Variants in A1CF observed in about 807,000 individuals in gnomAD.
A1CF encodes APOBEC1 complementation factor, also known as APOBEC-1 stimulating protein.
In A1CF, 48 loss-of-function variants were observed where a neutral mutation model predicts 68.9. The ratio of observed to expected loss-of-function variants is 0.70; its 90% CI spans 0.55 to 0.89. A1CF has a LOEUF of 0.89. Among genes scored for constraint, A1CF ranks in the 40% least tolerant of loss-of-function variants. The probability of loss-of-function intolerance (pLI) is 0.00; values close to 1 mark genes in which losing one functional copy is unlikely to be tolerated. For missense variants in A1CF, 653 were observed against 718.9 expected (o/e 0.91, Z 1.05); for synonymous variants, 272 against 260.4 (o/e 1.04, Z -0.43).
At chr10:50,828,515 T>C in intron 6 of A1CF, 1 of 362,620 alleles carries the variant, frequency 2.8e-6, no homozygotes, top group Non-Finnish European at 5.0e-6. Context: ...AACTATCGAT[T>C]ATAAAGGGAA....
rs554968522 is a variant in A1CF, at chr10:50,828,595, C to T, written c.605-300G>A. On this transcript the variant is annotated intron_variant, in intron 6 of 12. Coordinates refer to ENST00000373997, the MANE Select transcript of A1CF (RefSeq NM_014576.4). ...CACATTTGGCTCTTAGAACAACACT[C>T]ATTGGGTGAAGGTAGTCACTTAAGG... 2.0e-4 allele frequency: 48 copies of T among 235,176 alleles called. 1 individual carries two copies. The highest frequency in any genetic ancestry group is 3.3e-4 in the Non-Finnish European group (40 of 121,230). 14.6% of individuals were successfully genotyped at this position (235,176 alleles called of 1,614,324 possible).
At chr10:50,862,787 T>C (rs1218191563) in intron 2 of A1CF, 1 of 152,252 alleles carries the variant, frequency 6.6e-6, no homozygotes, top group African/African-American at 2.4e-5. Flanking sequence ...AATTGTCTTT[T>C]CGTGAGGATA....
intron 5 of A1CF, among the ~76,000 whole-genome samples, chr10:50,836,652 T>G (rs1839509586): frequency 2.0e-5 from 3 of 150,740 alleles, no homozygotes; most frequent in Non-Finnish European, 4.4e-5. Flanking sequence ...AACTCGTCAT[T>G]TGCATTAGGT....
At chr10:50,822,412 A>G (rs1029761147) in intron 7 of A1CF, among the ~76,000 whole-genome samples, 1 of 152,174 alleles carries the variant, frequency 6.6e-6, no homozygotes, top group Non-Finnish European at 1.5e-5. Flanking sequence ...GGAAAAGAAG[A>G]GGGGGAAGTC....
At chr10:50,870,873 C>CA in intron 1 of A1CF, among the ~76,000 whole-genome samples, 1 of 151,398 alleles carries the variant, frequency 6.6e-6, no homozygotes, top group South Asian at 2.1e-4. Context: ...AAAAAGCATC[C>CA]AAAATAATAA....
intron 3 of A1CF, among the ~76,000 whole-genome samples, chr10:50,853,084 A>C (rs1347263742): frequency 6.6e-6 from 1 of 152,108 alleles, no homozygotes; most frequent in African/African-American, 2.4e-5. Context: ...CATATAAAGG[A>C]AAGTGTGAGG....
At chr10:50,819,594 T>A (rs780758581) in intron 8 of A1CF, among the ~76,000 whole-genome samples, 3 of 152,170 alleles carry the variant, frequency 2.0e-5, no homozygotes, top group African/African-American at 4.8e-5. Context: ...CCTTTGCTAT[T>A]TGTTTTCTTT....
intron 12 of A1CF, among the ~76,000 whole-genome samples, chr10:50,808,740 C>A (rs1837950638): frequency 6.6e-6 from 1 of 152,080 alleles, no homozygotes; most frequent in Admixed American, 6.6e-5. Context: ...TTAATGTTAG[C>A]CCCACTGGCC....
In A1CF at chr10:50,842,001, A is replaced by C; in HGVS notation, c.235-9T>G. ...TCATAAATTTTACCGATCTGCAAGTAATAGAAATAGAACATTTATATTTAT... is the reference window on the plus strand; with the variant it reads ...TCATAAATTTTACCGATCTGCAAGTCATAGAAATAGAACATTTATATTTAT... On this transcript the variant is annotated splice_polypyrimidine_tract_variant and intron_variant, in intron 4 of 12. Transcript: ENST00000373997. The C allele has an allele frequency of 6.2e-7, 1 of 1,600,100 alleles. No homozygotes were observed. The highest frequency in any genetic ancestry group is 8.6e-7 in the Non-Finnish European group (1 of 1,169,542).
At chr10:50,844,342 A>C (rs1393754713) in intron 3 of A1CF, among the ~76,000 whole-genome samples, 3 of 152,238 alleles carry the variant, frequency 2.0e-5, no homozygotes, top group East Asian at 3.9e-4. Context: ...ACATTGTGAA[A>C]ACTTGTAAAC....
chr10:50,852,803 A>G (rs1840308772), intron 3 of A1CF, among the ~76,000 whole-genome samples: 1 of 152,150 alleles, frequency 6.6e-6, no homozygotes, highest in Admixed American at 6.5e-5. Context: ...CCAATTAGTA[A>G]ACCTGAGACC....
intron 1 of A1CF, among the ~76,000 whole-genome samples, chr10:50,870,904 A>G (rs1204635894): frequency 1.3e-5 from 2 of 151,762 alleles, no homozygotes; most frequent in African/African-American, 4.8e-5. Context: ...ACAAGATGGG[A>G]TCACTACAAA....
chr10:50,850,957 C>T (rs1245167280), intron 3 of A1CF: 13 of 798,830 alleles, frequency 1.6e-5, no homozygotes, highest in South Asian at 6.3e-5. Flanking sequence ...TTATTATGGC[C>T]GCTAGATCTG....
chr10:50,843,200 T>G (rs974413301), intron 4 of A1CF, among the ~76,000 whole-genome samples: 2 of 152,186 alleles, frequency 1.3e-5, no homozygotes, highest in African/African-American at 2.4e-5. Context: ...ACATGTTACA[T>G]CTCTATGTTT....
Position 50,839,407 on chromosome 10 carries a change from C to T in A1CF, c.365+2455G>A, listed in dbSNP as rs978544343. Among the ~76,000 whole-genome samples the T allele has an allele frequency of 7.9e-5, 12 of 152,150 alleles. No homozygotes were observed. The South Asian group carries it at 8.3e-4, about 11-fold the overall frequency. On this transcript the variant is annotated intron_variant, in intron 5 of 12. Coordinates refer to ENST00000373997, the MANE Select transcript of A1CF (RefSeq NM_014576.4). ...TGGAAATCATAAAACTGTAATGTAG[C>T]GTTTTGTAGCCCTTTCAAAGCACTT... is the stretch of plus-strand genomic sequence containing the variant.
rs981181097 is a variant in A1CF, at chr10:50,801,641, T to C, written c.*5088A>G. ...CTTTTTTAAAGATACTGTTTCTTGG[T>C]ATCTCCTATTCCCTTAGACAAAGTA... is the stretch of plus-strand genomic sequence containing the variant. On this transcript the variant is annotated 3_prime_UTR_variant, in exon 13 of 13. Coordinates refer to ENST00000373997, the MANE Select transcript of A1CF (RefSeq NM_014576.4). 4 of 152,204 alleles carry C rather than the reference T, an allele frequency of 2.6e-5. No individual in the cohort carries two copies. The highest frequency in any genetic ancestry group is 9.7e-5 in the African/African-American group (4 of 41,450). The allele number at this position is 152,204 out of a possible 1,614,324, so 9.4% of individuals were successfully genotyped here.
At chr10:50,872,023 T>C (rs61328197) in intron 1 of A1CF, among the ~76,000 whole-genome samples, 2,837 of 152,108 alleles carry the variant, frequency 0.019, 96 homozygotes, top group African/African-American at 0.065. Context: ...TAGAGAAATA[T>C]TATCTGTAAT....
rs562041496 is a variant in A1CF at position 50,881,016 on chromosome 10, G to T, written c.-94+4565C>A. On this transcript the variant is annotated intron_variant, in intron 1 of 12. Transcript: ENST00000373997. ...ACTCTTTTTTTTTTTTTGAGGTGGA[G>T]TCTCACTCTGTCGCCTAGGCTGGAG... Among the ~76,000 whole-genome samples, 8 of 150,958 alleles carry T rather than the reference G, an allele frequency of 5.3e-5. No homozygotes were observed. The South Asian group carries it at 8.4e-4, about 16-fold the overall frequency.
At chr10:50,845,010 T>C (rs1173382159) in intron 3 of A1CF, among the ~76,000 whole-genome samples, 2 of 152,196 alleles carry the variant, frequency 1.3e-5, no homozygotes, top group East Asian at 3.8e-4. Context: ...TTCATATCTG[T>C]GGTGTCTGTG....
Sources: gnomAD v4.1 joint callset for allele counts (sites outside exome capture counted in the v4.1 genomes callset) on GRCh38, gnomAD v4.1.1 for gene constraint, MANE v1.5 for transcripts, NCBI Gene and HGNC (gene_info 2026-07-23, HGNC 2026-07-21) for gene names.